CEP164: variants seen among roughly 807,000 people sequenced by gnomAD.
CEP164 encodes centrosomal protein of 164 kDa.
Under a neutral mutation model 182.7 loss-of-function variants are expected in CEP164, and 162 were observed. That is an observed-to-expected ratio of 0.89 (90% CI 0.78 to 1.01). The LOEUF is 1.01. Among genes scored for constraint, CEP164 ranks in the 50% least tolerant of loss-of-function variants. The pLI, the probability that CEP164 is intolerant of heterozygous loss-of-function variation, is 0.00. For synonymous variants in CEP164, 661 were observed against 690.0 expected, an observed-to-expected ratio of 0.96 and a Z score of 0.66; for missense variants, 1,735 against 1,790.4, an observed-to-expected ratio of 0.97 and a Z score of 0.56.
intron 3 of CEP164, among the ~76,000 whole-genome samples, chr11:117,341,996 C>T (rs995565382): frequency 1.3e-5 from 2 of 152,112 alleles, no homozygotes; most frequent in African/African-American, 4.8e-5. Flanking sequence ...GATTCCTTGA[C>T]CATCATTTCT....
chr11:117,405,322 G>C (rs1024387275), intron 27 of CEP164, among the ~76,000 whole-genome samples: 5 of 152,232 alleles, frequency 3.3e-5, no homozygotes, highest in African/African-American at 1.2e-4. Context: ...GGGTTGCAAA[G>C]ATTGTGGGAA....
intron 5 of CEP164, among the ~76,000 whole-genome samples, chr11:117,353,141 T>G (rs1385353402): frequency 6.6e-6 from 1 of 152,142 alleles, no homozygotes; most frequent in Non-Finnish European, 1.5e-5. Flanking sequence ...GGAACTCAGC[T>G]CAGCCAGTGG....
intron 24 of CEP164, 73 bp downstream of exon 24, chr11:117,395,795 A>G: frequency 1.3e-6 from 2 of 1,511,140 alleles, no homozygotes; most frequent in Non-Finnish European, 1.8e-6. Context: ...TGCTTGTGTC[A>G]TGGCCCAGTT....
intron 8 of CEP164, among the ~76,000 whole-genome samples, chr11:117,365,347 G>A (rs2041507655): frequency 6.6e-6 from 1 of 152,196 alleles, no homozygotes; most frequent in Non-Finnish European, 1.5e-5. Flanking sequence ...GCCACCTCGG[G>A]ACAGAGAGAG....
At chr11:117,392,451 C>T (rs755813863) in intron 18 of CEP164, 45 bp from the exon 19 acceptor site, 3 of 1,596,348 alleles carry the variant, frequency 1.9e-6, no homozygotes, top group Non-Finnish European at 2.6e-6. Context: ...GCTGTACAGT[C>T]TGTCTGAGGG....
chr11:117,361,778 A>G, intron 5 of CEP164, 57 bp from the exon 6 acceptor site: 1 of 1,588,704 alleles, frequency 6.3e-7, no homozygotes, highest in Non-Finnish European at 8.6e-7. Flanking sequence ...TCTGTCTCCG[A>G]CACTCCCAGA....
upstream of CEP164, among the ~76,000 whole-genome samples, chr11:117,324,348 G>A (rs2035354261): frequency 6.6e-6 from 1 of 151,948 alleles, no homozygotes; most frequent in Admixed American, 6.6e-5. Flanking sequence ...TTGGGAGGCT[G>A]GGGCAGGAGA....
At chr11:117,336,676 T>G in intron 2 of CEP164, 1 of 869,766 alleles carries the variant, frequency 1.1e-6, no homozygotes, top group Non-Finnish European at 2.0e-6. Flanking sequence ...CTGGGCTTGA[T>G]GCGTTCTACC....
At position 117,373,740 on chromosome 11, in the gene CEP164, T is replaced by C. The variant is rs1217139858; in HGVS notation, c.1153-11T>C. The C allele has an allele frequency of 1.9e-6, 3 of 1,612,384 alleles. No individual in the cohort carries two copies. Among genetic ancestry groups the C allele is most frequent in the Non-Finnish European group, 1.7e-6 (2 of 1,178,576 alleles). ...GCTCTGAGGGATTTCTCTGTGGGTC[T>C]GTCTCTCCAGGAACTGGAAATTAGT... On this transcript the variant is annotated splice_polypyrimidine_tract_variant and intron_variant, in intron 9 of 32. Coordinates refer to ENST00000278935, the MANE Select transcript of CEP164 (RefSeq NM_014956.5).
In CEP164 at chr11:117,397,258, C is replaced by T; in HGVS notation, c.3446C>T (p.Ala1149Val). 1 of 1,614,084 alleles carries T rather than the reference C, an allele frequency of 6.2e-7. No homozygotes were observed. The highest frequency in any genetic ancestry group is 8.5e-7 in the Non-Finnish European group (1 of 1,180,018). Residue 1149 changes from alanine (A) to valine (V), a missense_variant, in exon 27 of 33, where the codon GCC becomes GTC. Coordinates refer to ENST00000278935, the MANE Select transcript of CEP164 (RefSeq NM_014956.5). The stretch of plus-strand genomic sequence containing the variant: ...GAGCTGGCCAGTGCGCAGGAGGTGG[C>T]CAAAGACCCACCAGGCATCAAGGCC... ...RHELASAQEVAKDPPGIKALE... is the reference protein window; with the variant it reads ...RHELASAQEVVKDPPGIKALE...
chr11:117,381,728 G>A lies in CEP164; in HGVS notation c.1437G>A (p.Glu479=). 1.2e-6 allele frequency: 2 copies of A among 1,610,374 alleles called. No homozygotes were observed. The highest frequency in any genetic ancestry group is 8.5e-7 in the Non-Finnish European group (1 of 1,178,590). The change falls in exon 13 of 33, where the codon GAG becomes GAA. Residue 479 remains glutamate, a synonymous_variant. Coordinates refer to ENST00000278935, the MANE Select transcript of CEP164 (RefSeq NM_014956.5). The part of the protein sequence containing the change: ...ERLSPPLPHE[E]RAQSPPRSLA... ...TATCTCCTCCACTTCCACACGAGGA[G>A]CGGGCCCAGAGTCCCCCTCGCAGCC...
intron 15 of CEP164, among the ~76,000 whole-genome samples, chr11:117,389,158 C>T (rs568989366): frequency 6.6e-6 from 1 of 152,220 alleles, no homozygotes; most frequent in South Asian, 2.1e-4. Flanking sequence ...TTAGGATTTG[C>T]TACAGAAGCT....
At chr11:117,351,652 C>G (rs2039638806) in intron 4 of CEP164, 138 bp from the exon 5 acceptor site, 1 of 714,838 alleles carries the variant, frequency 1.4e-6, no homozygotes, top group Non-Finnish European at 2.3e-6. Flanking sequence ...CCCTCTCATT[C>G]CATCTTCTCC....
chr11:117,327,117 C>T (rs2076444393), upstream of CEP164, among the ~76,000 whole-genome samples: 1 of 152,204 alleles, frequency 6.6e-6, no homozygotes, highest in Admixed American at 6.6e-5. Context: ...ATCTTGCAGA[C>T]ATACAAACTG....
chr11:117,397,394 C>T, intron 27 of CEP164, 81 bp downstream of exon 27: 2 of 1,351,070 alleles, frequency 1.5e-6, no homozygotes. Flanking sequence ...TGGGCTCCCC[C>T]TCAGTTGGTC....
intron 1 of CEP164, among the ~76,000 whole-genome samples, chr11:117,322,756 GA>G (rs1481236451): frequency 1.7e-4 from 18 of 103,226 alleles, no homozygotes; most frequent in African/African-American, 6.9e-4. Flanking sequence ...TATATAGATA[GA>G]TTTTTTTTTT....
At chr11:117,355,181 G>C in intron 5 of CEP164, 2 of 1,289,856 alleles carry the variant, frequency 1.6e-6, no homozygotes, top group Non-Finnish European at 2.0e-6. Context: ...GGTCTTTGCT[G>C]ACATGGAGAA....
At chr11:117,397,392 C>T (rs2045619776) in intron 27 of CEP164, 79 bp downstream of exon 27, 4 of 1,371,576 alleles carry the variant, frequency 2.9e-6, no homozygotes, top group Admixed American at 2.3e-5. Flanking sequence ...TTTGGGCTCC[C>T]CCTCAGTTGG....
chr11:117,322,681 A>C (rs757583221), intron 1 of CEP164, among the ~76,000 whole-genome samples: 52 of 150,616 alleles, frequency 3.5e-4, no homozygotes, highest in Non-Finnish European at 6.3e-4. Flanking sequence ...TCAGCCTCCC[A>C]AGTAGCTGAG....
Sources: gnomAD v4.1 joint callset for allele counts (sites outside exome capture counted in the v4.1 genomes callset) on GRCh38, gnomAD v4.1.1 for gene constraint, MANE v1.5 for transcripts, NCBI Gene and HGNC (gene_info 2026-07-23, HGNC 2026-07-21) for gene names.